Variants in HMGCLL1 observed in about 807,000 individuals in gnomAD.
HMGCLL1 encodes 3-hydroxy-3-methylglutaryl-CoA lyase like 1.
In HMGCLL1, 36 loss-of-function variants were observed where a neutral mutation model predicts 39.1. The observed-to-expected ratio is 0.92, with a 90% CI of 0.71 to 1.22. The LOEUF (loss-of-function observed/expected upper bound fraction) is 1.22. HMGCLL1 is among the 50% of genes most tolerant of loss of function. The pLI is 0.00. For synonymous variants in HMGCLL1, 149 were observed against 144.0 expected (o/e 1.03, Z -0.25); for missense variants, 451 against 416.5 (o/e 1.08, Z -0.72).
At chr6:55,663,322 G>C in the HMGCLL1 span, among the ~76,000 whole-genome samples, 2 of 149,994 alleles carry the variant, frequency 1.3e-5, 1 homozygote, top group Non-Finnish European at 3.0e-5. Context: ...TGTGTATATA[G>C]TGCTATAAAT....
intron 6 of HMGCLL1, among the ~76,000 whole-genome samples, chr6:55,496,578 A>C (rs1388985613): frequency 3.9e-5 from 6 of 152,168 alleles, no homozygotes; most frequent in Non-Finnish European, 8.8e-5. Flanking sequence ...ATCGCAGGAC[A>C]AAGTGATCTC....
chr6:55,580,074 A>C (rs1473581039), upstream of HMGCLL1, among the ~76,000 whole-genome samples: 1 of 152,132 alleles, frequency 6.6e-6, no homozygotes, highest in Non-Finnish European at 1.5e-5. Flanking sequence ...GTCCATGGCC[A>C]GGAATACGCA....
chr6:55,654,554 T>C, the HMGCLL1 span, among the ~76,000 whole-genome samples: 1 of 151,996 alleles, frequency 6.6e-6, no homozygotes, highest in East Asian at 2.0e-4. Flanking sequence ...CAATTAAAAG[T>C]TCTGCCATCT....
the HMGCLL1 span, among the ~76,000 whole-genome samples, chr6:55,589,046 C>T: frequency 1.5e-3 from 223 of 152,240 alleles, 1 homozygote; most frequent in Middle Eastern, 3.4e-3. Flanking sequence ...TCCTCCCTAA[C>T]TCATTTTATG....
chr6:55,522,519 TG>T (rs1240911580), intron 3 of HMGCLL1, among the ~76,000 whole-genome samples: 1 of 151,982 alleles, frequency 6.6e-6, no homozygotes, highest in Non-Finnish European at 1.5e-5. Flanking sequence ...CATAAGGAAC[TG>T]AGAGTTCCTA....
At chr6:55,480,804 A>T (rs1765701180) in intron 7 of HMGCLL1, among the ~76,000 whole-genome samples, 1 of 152,088 alleles carries the variant, frequency 6.6e-6, no homozygotes, top group Non-Finnish European at 1.5e-5. Context: ...TCAGCCATAA[A>T]AAAGAATGAG....
intron 1 of HMGCLL1, among the ~76,000 whole-genome samples, chr6:55,557,911 C>T (rs1306453545): frequency 6.6e-6 from 1 of 152,118 alleles, no homozygotes; most frequent in South Asian, 2.1e-4. Context: ...CTTCTATCCT[C>T]AAGCTGAACA....
the HMGCLL1 span, among the ~76,000 whole-genome samples, chr6:55,639,017 ATTAT>A: frequency 2.6e-5 from 4 of 152,246 alleles, no homozygotes; most frequent in South Asian, 8.3e-4. Flanking sequence ...AAACAGACTA[ATTAT>A]TTAGTTACTA....
chr6:55,489,227 C>A (rs901301221), intron 7 of HMGCLL1, among the ~76,000 whole-genome samples: 2 of 151,974 alleles, frequency 1.3e-5, no homozygotes. Context: ...GTGTTTTATG[C>A]AAACACCATG....
rs1429678830 is a variant in HMGCLL1 at position 55,561,351 on chromosome 6, G to C, written c.108+17597C>G. ...ATAAGGGCCCTACAAGTAAAACTGAGAAAAGAAACCCAATCTGCTAATTCC... is the reference window on the plus strand; with the variant it reads ...ATAAGGGCCCTACAAGTAAAACTGACAAAAGAAACCCAATCTGCTAATTCC... On this transcript the variant is annotated intron_variant, in intron 1 of 8. Transcript: ENST00000274901. Among the ~76,000 whole-genome samples, 8 of 152,076 alleles carry C rather than the reference G, an allele frequency of 5.3e-5. No individual in the cohort carries two copies. The East Asian group carries it at 1.3e-3, about 26-fold the overall frequency.
At chr6:55,450,351 TAAG>T (rs1764028378) in intron 7 of HMGCLL1, among the ~76,000 whole-genome samples, 2 of 152,332 alleles carry the variant, frequency 1.3e-5, no homozygotes, top group South Asian at 4.1e-4. Context: ...GCCTACTGCT[TAAG>T]AAGTCAGTTT....
intron 3 of HMGCLL1, among the ~76,000 whole-genome samples, chr6:55,517,437 A>G (rs115633683): frequency 0.014 from 2,200 of 152,178 alleles, 31 homozygotes; most frequent in Non-Finnish European, 0.025. Flanking sequence ...AAATATGAAG[A>G]ATAGTATATA....
intron 3 of HMGCLL1, among the ~76,000 whole-genome samples, chr6:55,528,943 T>C (rs558875373): frequency 6.6e-6 from 1 of 152,050 alleles, no homozygotes; most frequent in Non-Finnish European, 1.5e-5. Flanking sequence ...CAAGTATTCA[T>C]TTTTTAAATT....
At chr6:55,448,412 G>T (rs1442729360) in intron 7 of HMGCLL1, among the ~76,000 whole-genome samples, 1 of 151,012 alleles carries the variant, frequency 6.6e-6, no homozygotes, top group African/African-American at 2.4e-5. Flanking sequence ...GAAGATAAAA[G>T]AAAAGGATAC....
At chr6:55,611,451 C>T in the HMGCLL1 span, among the ~76,000 whole-genome samples, 1 of 152,164 alleles carries the variant, frequency 6.6e-6, no homozygotes, top group African/African-American at 2.4e-5. Context: ...GGACTCCTCC[C>T]TAACTCATTT....
the HMGCLL1 span, among the ~76,000 whole-genome samples, chr6:55,676,331 T>C: frequency 1.3e-5 from 2 of 152,134 alleles, no homozygotes; most frequent in South Asian, 4.1e-4. Context: ...CAAATTTTCC[T>C]TCATTTCTCT....
chr6:55,613,155 A>C, the HMGCLL1 span, among the ~76,000 whole-genome samples: 1 of 152,234 alleles, frequency 6.6e-6, no homozygotes, highest in Non-Finnish European at 1.5e-5. Flanking sequence ...GACAGTTCTC[A>C]AAAGAAGACA....
the HMGCLL1 span, among the ~76,000 whole-genome samples, chr6:55,601,407 G>A: frequency 1.3e-5 from 2 of 152,098 alleles, no homozygotes; most frequent in South Asian, 4.1e-4. Context: ...TGACTGGTTC[G>A]CATAGCAGCT....
rs544367265 is a variant in HMGCLL1 at position 55,461,989 on chromosome 6, G to T, written c.796-22430C>A. Among the ~76,000 whole-genome samples, 8 of 152,154 alleles carry T rather than the reference G, an allele frequency of 5.3e-5. No individual in the cohort carries two copies. The South Asian group carries it at 1.2e-3, about 24-fold the overall frequency. On this transcript the variant is annotated intron_variant, in intron 7 of 8. Coordinates refer to ENST00000274901, the MANE Select transcript of HMGCLL1 (RefSeq NM_001042406.2). ...CAGTAGGGTCATATGATTCATTGTG[G>T]TCCATATAAATGACATTCCTACCAA...
Sources: allele counts gnomAD v4.1 joint callset (sites outside exome capture counted in the v4.1 genomes callset), GRCh38; gene constraint gnomAD v4.1.1; transcripts MANE v1.5; gene names NCBI Gene and HGNC (gene_info 2026-07-23, HGNC 2026-07-21).